CSGALNACT1: variants seen among roughly 807,000 people sequenced by gnomAD.
CSGALNACT1 encodes beta4GalNAcT-1.
CSGALNACT1 carries 52 observed loss-of-function variants against 51.0 expected under a neutral mutation model. That is an observed-to-expected ratio of 1.02 (90% CI 0.82 to 1.29). The LOEUF is 1.29. CSGALNACT1 is among the 50% of genes most tolerant of loss of function. CSGALNACT1 has a pLI of 0.00. For missense variants in CSGALNACT1, 935 were observed against 679.2 expected (o/e 1.38, Z -4.19); for synonymous variants, 341 against 254.4 (o/e 1.34, Z -3.24).
chr8:19,599,906 GTGCA>G (rs2154142974), intron 2 of CSGALNACT1, among the ~76,000 whole-genome samples: 1 of 152,322 alleles, frequency 6.6e-6, no homozygotes, highest in East Asian at 1.9e-4. Flanking sequence ...CCCACACCCA[GTGCA>G]TGCTTGGCAA....
At chr8:19,633,914 G>A (rs1018203697) in intron 1 of CSGALNACT1, among the ~76,000 whole-genome samples, 2 of 152,098 alleles carry the variant, frequency 1.3e-5, no homozygotes, top group African/African-American at 4.8e-5. Flanking sequence ...CAACCTTGCT[G>A]CACTAACCTC....
intron 1 of CSGALNACT1, among the ~76,000 whole-genome samples, chr8:19,751,579 C>G (rs2065028992): frequency 6.6e-6 from 1 of 152,128 alleles, no homozygotes; most frequent in Non-Finnish European, 1.5e-5. Flanking sequence ...TTAATAACAA[C>G]CAACAGTTAT....
chr8:19,503,368 C>T (rs1207852869), intron 4 of CSGALNACT1, among the ~76,000 whole-genome samples: 1 of 152,178 alleles, frequency 6.6e-6, no homozygotes, highest in African/African-American at 2.4e-5. Context: ...GCTGGTGTCA[C>T]TGCTGATTGA....
chr8:19,708,616 C>G (rs1426653038), intron 1 of CSGALNACT1, among the ~76,000 whole-genome samples: 4 of 152,152 alleles, frequency 2.6e-5, no homozygotes, highest in African/African-American at 9.7e-5. Flanking sequence ...ATTAAAAGAA[C>G]TCAGCAAATA....
chr8:19,589,467 G>A lies in CSGALNACT1; in HGVS notation c.-297+1693C>T, dbSNP rs575115095. 9.9e-5 allele frequency among the ~76,000 whole-genome samples: 15 copies of A among 152,108 alleles called. 1 individual carries two copies. The Middle Eastern group carries it at 0.014, about 138-fold the overall frequency. ...AAGCCTCCTGAGTAGCTGGTACTAC[G>A]GGAGTGCACCACCACATCTGGCTAA... On this transcript the variant is annotated intron_variant, in intron 3 of 9. Transcript: ENST00000454498.
At chr8:19,511,269 A>T (rs1286343644) in intron 3 of CSGALNACT1, among the ~76,000 whole-genome samples, 1 of 152,230 alleles carries the variant, frequency 6.6e-6, no homozygotes, top group Non-Finnish European at 1.5e-5. Context: ...ATGGAGAAAA[A>T]AACAAGCAGT....
chr8:19,471,278 GA>G (rs1487355754), intron 4 of CSGALNACT1, among the ~76,000 whole-genome samples: 1 of 152,168 alleles, frequency 6.6e-6, no homozygotes, highest in African/African-American at 2.4e-5. Context: ...TGCGCATGCG[GA>G]AAGCCTACCC....
In CSGALNACT1 at chr8:19,610,921, G is replaced by T. The variant is rs1453088235; in HGVS notation, c.-543-9056C>A. Among the ~76,000 whole-genome samples the T allele has an allele frequency of 2.0e-5, 3 of 152,296 alleles. No homozygotes were observed. The East Asian group carries it at 5.8e-4, about 29-fold the overall frequency. ...GCACATGGTAGCACATGCCCACTGC[G>T]GCTTCCGGAGCTGTCAACGTCCACC... is the stretch of plus-strand genomic sequence containing the variant. On this transcript the variant is annotated intron_variant, in intron 1 of 9. Transcript: ENST00000332246.
intron 4 of CSGALNACT1, among the ~76,000 whole-genome samples, chr8:19,474,582 T>A (rs936841624): frequency 6.6e-6 from 1 of 151,990 alleles, no homozygotes; most frequent in African/African-American, 2.4e-5. Context: ...AATAAGCACC[T>A]TCCGGCCAGG....
At chr8:19,492,495 T>A (rs139771310) in intron 4 of CSGALNACT1, among the ~76,000 whole-genome samples, 83 of 152,338 alleles carry the variant, frequency 5.4e-4, no homozygotes, top group Middle Eastern at 6.8e-3. Flanking sequence ...ACTTCAAACA[T>A]CAATTCACGT....
intron 1 of CSGALNACT1, among the ~76,000 whole-genome samples, chr8:19,679,308 A>C (rs1278320161): frequency 2.0e-5 from 3 of 151,894 alleles, no homozygotes; most frequent in African/African-American, 7.3e-5. Context: ...TACAAAAATT[A>C]GTGGGGTTTG....
chr8:19,629,400 C>G (rs755413693), intron 1 of CSGALNACT1, among the ~76,000 whole-genome samples: 3 of 152,308 alleles, frequency 2.0e-5, no homozygotes, highest in Non-Finnish European at 4.4e-5. Context: ...TATGTGTTGT[C>G]TGTTTGAATC....
At chr8:19,435,271 G>A (rs565061712) in intron 6 of CSGALNACT1, among the ~76,000 whole-genome samples, 1 of 152,232 alleles carries the variant, frequency 6.6e-6, no homozygotes, top group Admixed American at 6.5e-5. Context: ...GAGGTGGGCG[G>A]ATCACAAGGT....
intron 3 of CSGALNACT1, among the ~76,000 whole-genome samples, chr8:19,533,402 A>C (rs377536729): frequency 3.3e-5 from 5 of 152,118 alleles, no homozygotes; most frequent in Non-Finnish European, 7.4e-5. Context: ...GATTACAGTC[A>C]TAAGCCATGA....
chr8:19,587,399 C>G (rs890240586), intron 3 of CSGALNACT1, among the ~76,000 whole-genome samples: 6 of 152,196 alleles, frequency 3.9e-5, no homozygotes, highest in Admixed American at 3.9e-4. Flanking sequence ...GCCATTGTTC[C>G]TAAGTTGAGA....
intron 5 of CSGALNACT1, among the ~76,000 whole-genome samples, chr8:19,446,478 T>G (rs537290136): frequency 1.1e-3 from 165 of 152,296 alleles, no homozygotes; most frequent in African/African-American, 3.8e-3. Context: ...TTCTTCTGCC[T>G]GAACCTGGAA....
At chr8:19,531,044 TGGTTTCTTGCTAA>T (rs373634525) in intron 3 of CSGALNACT1, among the ~76,000 whole-genome samples, 285 of 152,324 alleles carry the variant, frequency 1.9e-3, no homozygotes, top group African/African-American at 6.5e-3. Flanking sequence ...TCTGAACCCG[TGGTTTCTTGCTAA>T]GGCTTCCATT....
intron 1 of CSGALNACT1, among the ~76,000 whole-genome samples, chr8:19,655,753 A>G (rs75720524): frequency 0.044 from 6,718 of 152,216 alleles, 233 homozygotes; most frequent in Non-Finnish European, 0.063. Context: ...AAATTTGTGA[A>G]AAGTGAAAAA....
Position 19,478,324 on chromosome 8 carries a change from G to C in CSGALNACT1, c.635-19682C>G, listed in dbSNP as rs528166316. Among the ~76,000 whole-genome samples the C allele has an allele frequency of 3.9e-4, 58 of 148,866 alleles. No homozygotes were observed. In the South Asian group the frequency reaches 0.01, roughly 27 times the overall value. On this transcript the variant is annotated intron_variant, in intron 4 of 9. Coordinates refer to ENST00000454498, the Ensembl canonical transcript of CSGALNACT1. The stretch of plus-strand genomic sequence containing the variant: ...AGCTACTCGGGAGGCTGAGGCAGGA[G>C]AATGGCCTCAACCCAGGAGGCGGAG...
Sources: allele counts gnomAD v4.1 joint callset (sites outside exome capture counted in the v4.1 genomes callset), GRCh38; gene constraint gnomAD v4.1.1; transcripts MANE v1.5; gene names NCBI Gene and HGNC (gene_info 2026-07-23, HGNC 2026-07-21).